Variants in AATF observed in about 807,000 individuals in gnomAD.
AATF encodes the protein apoptosis antagonizing transcription factor, also known as protein AATF.
Under a neutral mutation model 63.7 loss-of-function variants are expected in AATF, and 48 were observed. The observed-to-expected ratio is 0.75, with a 90% CI of 0.60 to 0.96. The LOEUF is 0.96. Among genes scored for constraint, AATF ranks in the 40% least tolerant of loss-of-function variants. The pLI is 0.00. For missense variants in AATF, 639 were observed against 685.7 expected, an observed-to-expected ratio of 0.93 and a Z score of 0.76; for synonymous variants, 258 against 247.7, an observed-to-expected ratio of 1.04 and a Z score of -0.39.
intron 10 of AATF, 35 bp from the exon 11 acceptor site, chr17:37,031,579 T>A: frequency 6.5e-7 from 1 of 1,545,802 alleles, no homozygotes; most frequent in Non-Finnish European, 8.9e-7. Context: ...TAATAGTTAC[T>A]AATGTTGCTG....
rs146548059 is a variant in AATF, at chr17:36,968,431, C to T, written c.832+14524C>T. 7.1e-3 allele frequency among the ~76,000 whole-genome samples: 1,069 copies of T among 151,108 alleles called. 5 individuals carry two copies. The highest frequency in any genetic ancestry group is 0.027 in the Middle Eastern group (8 of 294). On this transcript the variant is annotated intron_variant, in intron 4 of 11. Coordinates refer to ENST00000619387, the MANE Select transcript of AATF (RefSeq NM_012138.4). ...CTGGGACTACAGGTGCACGCCACCACGCCTAACTAATTCTTTGTAGTTTTT... is the reference window on the plus strand; with the variant it reads ...CTGGGACTACAGGTGCACGCCACCATGCCTAACTAATTCTTTGTAGTTTTT...
chr17:36,960,931 T>C (rs1021504819), intron 4 of AATF, among the ~76,000 whole-genome samples: 6 of 152,138 alleles, frequency 3.9e-5, no homozygotes, highest in African/African-American at 1.4e-4. Flanking sequence ...GATCGGAAAA[T>C]ACATAGAAGC....
Position 37,020,833 on chromosome 17 carries a change from A to G in AATF, c.1467-101A>G. 5.4e-6 allele frequency: 5 copies of G among 920,764 alleles called. 1 individual carries two copies. Among genetic ancestry groups the G allele is most frequent in the Non-Finnish European group, 8.0e-6 (5 of 624,438 alleles). 57.0% of individuals were successfully genotyped at this position (920,764 alleles called of 1,614,324 possible). On this transcript the variant is annotated intron_variant, in intron 9 of 11. Transcript: ENST00000619387. Reference sequence around the variant, plus strand: ...AGCTTGAGGAACTTGATGTAGGTTGATGATTTCTTTCTGCAGGGTTGTTAG... The same window carrying G: ...AGCTTGAGGAACTTGATGTAGGTTGGTGATTTCTTTCTGCAGGGTTGTTAG...
chr17:36,992,117 G>C (rs1311977599), intron 8 of AATF, among the ~76,000 whole-genome samples: 1 of 152,136 alleles, frequency 6.6e-6, no homozygotes, highest in Non-Finnish European at 1.5e-5. Context: ...ATATGAAGAA[G>C]AACTTCTTAG....
chr17:37,007,534 G>A (rs1011546361), intron 8 of AATF, among the ~76,000 whole-genome samples: 1 of 151,900 alleles, frequency 6.6e-6, no homozygotes, highest in Non-Finnish European at 1.5e-5. Context: ...ATCACTGTAT[G>A]CAAAGGCAGT....
intron 4 of AATF, among the ~76,000 whole-genome samples, chr17:36,963,033 C>T (rs1250507104): frequency 2.0e-5 from 3 of 152,188 alleles, no homozygotes; most frequent in African/African-American, 4.8e-5. Context: ...GCAGGAGAAT[C>T]GCTTGAACCC....
intron 10 of AATF, among the ~76,000 whole-genome samples, chr17:37,023,639 G>A (rs1408465198): frequency 6.9e-6 from 1 of 145,058 alleles, no homozygotes; most frequent in Non-Finnish European, 1.5e-5. Context: ...TTAAAAAGAG[G>A]CATTCTTTTT....
Position 36,988,508 on chromosome 17 carries a change from T to G in AATF, c.948-11T>G, listed in dbSNP as rs1236790699. The G allele has an allele frequency of 6.2e-7, 1 of 1,613,238 alleles. No homozygotes were observed. Among genetic ancestry groups the G allele is most frequent in the African/African-American group, 1.3e-5 (1 of 74,916 alleles). ...TTTACACTGGACATAATATTCTTAC[T>G]GCTTTTCTAGTGAGGAGATTTCTAG... On this transcript the variant is annotated splice_polypyrimidine_tract_variant and intron_variant, in intron 5 of 11. Transcript: ENST00000619387.
chr17:37,010,074 C>T (rs376198290), intron 8 of AATF, among the ~76,000 whole-genome samples: 6 of 152,124 alleles, frequency 3.9e-5, no homozygotes, highest in African/African-American at 1.4e-4. Context: ...TATATTGACT[C>T]CTTTTGTGTA....
intron 11 of AATF, among the ~76,000 whole-genome samples, chr17:37,037,741 T>G (rs1390055382): frequency 6.6e-6 from 1 of 152,220 alleles, no homozygotes; most frequent in Non-Finnish European, 1.5e-5. Flanking sequence ...CTGCCAAATC[T>G]CATGTTGAAA....
chr17:37,027,068 C>G (rs1254706343), intron 10 of AATF, among the ~76,000 whole-genome samples: 1 of 152,016 alleles, frequency 6.6e-6, no homozygotes, highest in Non-Finnish European at 1.5e-5. Context: ...AATAATAACA[C>G]TTCATTAGTT....
At chr17:36,984,811 A>G (rs112276363) in intron 4 of AATF, among the ~76,000 whole-genome samples, 1 of 151,900 alleles carries the variant, frequency 6.6e-6, no homozygotes, top group African/African-American at 2.4e-5. Flanking sequence ...GTTTTTAAAA[A>G]AAATTTTGTA....
At chr17:37,005,752 C>T (rs2071336408) in intron 8 of AATF, among the ~76,000 whole-genome samples, 1 of 152,004 alleles carries the variant, frequency 6.6e-6, no homozygotes, top group Non-Finnish European at 1.5e-5. Flanking sequence ...ATCTAGTGAC[C>T]AATGGGCAGA....
intron 11 of AATF, among the ~76,000 whole-genome samples, chr17:37,053,467 G>A (rs554288028): frequency 6.6e-6 from 1 of 152,016 alleles, no homozygotes; most frequent in Non-Finnish European, 1.5e-5. Context: ...AGTATGATAA[G>A]GGTGATTGAT....
chr17:36,995,564 T>G (rs750951903), intron 8 of AATF, among the ~76,000 whole-genome samples: 31 of 152,122 alleles, frequency 2.0e-4, no homozygotes, highest in Admixed American at 1.3e-3. Context: ...TATCGATTTA[T>G]TTTGTTTGTT....
intron 2 of AATF, among the ~76,000 whole-genome samples, chr17:36,952,522 G>T (rs113779048): frequency 1.3e-3 from 205 of 152,370 alleles, no homozygotes; most frequent in African/African-American, 4.8e-3. Context: ...TCAAGGGCCA[G>T]AGCAAATGCT....
At chr17:37,030,312 T>C (rs1439170248) in intron 10 of AATF, among the ~76,000 whole-genome samples, 1 of 152,202 alleles carries the variant, frequency 6.6e-6, no homozygotes, top group East Asian at 1.9e-4. Flanking sequence ...CTGTGGGTGA[T>C]ATAATAAATA....
At chr17:37,017,216 C>G (rs867595566) in intron 8 of AATF, among the ~76,000 whole-genome samples, 12 of 152,192 alleles carry the variant, frequency 7.9e-5, no homozygotes, top group African/African-American at 2.9e-4. Context: ...TTAGGAAAAC[C>G]AGGAACGGTT....
chr17:37,000,966 C>T (rs936303353), intron 8 of AATF, among the ~76,000 whole-genome samples: 1 of 150,570 alleles, frequency 6.6e-6, no homozygotes, highest in African/African-American at 2.4e-5. Context: ...CCACCTCCCA[C>T]AAAAAAAAGG....
Sources: allele counts gnomAD v4.1 joint callset (sites outside exome capture counted in the v4.1 genomes callset), GRCh38; gene constraint gnomAD v4.1.1; transcripts MANE v1.5; gene names NCBI Gene and HGNC (gene_info 2026-07-23, HGNC 2026-07-21).